Variants in OLA1 observed in about 807,000 individuals in gnomAD.
OLA1 encodes the protein obg-like ATPase 1.
A neutral mutation model predicts 48.4 loss-of-function variants in OLA1; 14 were observed. That is an observed-to-expected ratio of 0.29 (90% CI 0.19 to 0.45). The LOEUF (loss-of-function observed/expected upper bound fraction) is 0.45. Among genes scored for constraint, OLA1 ranks in the 20% least tolerant of loss-of-function variants. The pLI is 1.00. For missense variants in OLA1, 325 were observed against 467.1 expected (o/e 0.70, Z 2.80); for synonymous variants, 127 against 150.4 (o/e 0.84, Z 1.14).
intron 2 of OLA1, among the ~76,000 whole-genome samples, chr2:174,242,112 C>T (rs976334098): frequency 6.6e-6 from 1 of 152,176 alleles, no homozygotes; most frequent in African/African-American, 2.4e-5. Flanking sequence ...CCTGACCCTT[C>T]GGATAACCAG....
Position 174,180,171 on chromosome 2 carries a change from TA to T in OLA1, c.374-38172del, listed in dbSNP as rs555153080. On this transcript the variant is annotated intron_variant, in intron 4 of 10. Coordinates refer to ENST00000284719, the MANE Select transcript of OLA1 (RefSeq NM_013341.5). Reference sequence around the variant, plus strand: ...CAGAAACATTTTTCTCAATGAAGGTTAAAAAAATCTAAAGATTCCATAATAA... The same window carrying T: ...CAGAAACATTTTTCTCAATGAAGGTTAAAAAATCTAAAGATTCCATAATAA... Among the ~76,000 whole-genome samples, 394 of 152,190 alleles carry T rather than the reference TA, an allele frequency of 2.6e-3. 3 individuals are homozygous for T. The highest frequency in any genetic ancestry group is 8.3e-3 in the African/African-American group (345 of 41,546).
intron 4 of OLA1, among the ~76,000 whole-genome samples, chr2:174,205,900 A>G (rs1688102609): frequency 6.6e-6 from 1 of 152,216 alleles, no homozygotes; most frequent in African/African-American, 2.4e-5. Flanking sequence ...CACAGCCTAC[A>G]GCCCATAGAG....
At chr2:174,143,686 T>C (rs1409760245) in intron 4 of OLA1, among the ~76,000 whole-genome samples, 1 of 152,170 alleles carries the variant, frequency 6.6e-6, no homozygotes, top group Non-Finnish European at 1.5e-5. Context: ...GAGAGAAACT[T>C]AGTAACTGCA....
Position 174,081,252 on chromosome 2 carries a change from A to C in OLA1, c.870-4T>G, listed in dbSNP as rs895930861. On this transcript the variant is annotated splice_region_variant and splice_polypyrimidine_tract_variant and intron_variant, in intron 8 of 10. Transcript: ENST00000284719. ...CTTAATGATCTTTGGCAAAGCACTG[A>C]AATCAAATGAAACAAATTCACCCAA... 6.2e-7 allele frequency: 1 copy of C among 1,606,974 alleles called. No homozygotes were observed. Among genetic ancestry groups the C allele is most frequent in the Non-Finnish European group, 8.5e-7 (1 of 1,175,672 alleles).
At chr2:174,157,126 A>T (rs1449619050) in intron 4 of OLA1, among the ~76,000 whole-genome samples, 2 of 152,204 alleles carry the variant, frequency 1.3e-5, no homozygotes, top group Admixed American at 1.3e-4. Context: ...CATGTCATCC[A>T]CTTGGAGGTG....
chr2:174,152,176 G>A (rs972522298), intron 4 of OLA1, among the ~76,000 whole-genome samples: 1 of 152,188 alleles, frequency 6.6e-6, no homozygotes, highest in South Asian at 2.1e-4. Flanking sequence ...GGAGGCCTAG[G>A]TGGGCAGATC....
intron 4 of OLA1, among the ~76,000 whole-genome samples, chr2:174,215,848 T>C (rs1196419620): frequency 1.3e-5 from 2 of 152,232 alleles, no homozygotes; most frequent in Non-Finnish European, 2.9e-5. Flanking sequence ...TAAGCTTGAG[T>C]GTTCCAAGTA....
intron 5 of OLA1, among the ~76,000 whole-genome samples, chr2:174,134,627 T>G (rs1465259583): frequency 1.3e-5 from 2 of 152,230 alleles, no homozygotes; most frequent in East Asian, 3.8e-4. Context: ...CATTTTAAAC[T>G]TACAGATAAG....
chr2:174,174,035 C>CAAAA (rs112671944), intron 4 of OLA1, among the ~76,000 whole-genome samples: 2 of 135,594 alleles, frequency 1.5e-5, no homozygotes, highest in African/African-American at 5.3e-5. Flanking sequence ...CACACACACA[C>CAAAA]AAAAAAAAAA....
chr2:174,206,338 GC>G (rs1688113919), intron 4 of OLA1, among the ~76,000 whole-genome samples: 1 of 152,048 alleles, frequency 6.6e-6, no homozygotes, highest in Non-Finnish European at 1.5e-5. Context: ...TTTGAAGACA[GC>G]CTAGGCAACA....
chr2:174,169,540 G>A (rs1687248674), intron 4 of OLA1, among the ~76,000 whole-genome samples: 2 of 152,082 alleles, frequency 1.3e-5, no homozygotes, highest in African/African-American at 4.8e-5. Flanking sequence ...AAACAGACCT[G>A]TCAACCAAGA....
At chr2:174,183,461 G>A (rs1687591323) in intron 4 of OLA1, among the ~76,000 whole-genome samples, 1 of 152,172 alleles carries the variant, frequency 6.6e-6, no homozygotes, top group African/African-American at 2.4e-5. Context: ...GAGAACCCTA[G>A]CTGGAAAATC....
At chr2:174,163,147 T>C (rs1379267789) in intron 4 of OLA1, among the ~76,000 whole-genome samples, 25 of 152,190 alleles carry the variant, frequency 1.6e-4, no homozygotes, top group Admixed American at 1.6e-3. Context: ...GCCCACTCCT[T>C]GATTCTGGAT....
At chr2:174,195,709 A>G (rs1687865185) in intron 4 of OLA1, among the ~76,000 whole-genome samples, 1 of 152,202 alleles carries the variant, frequency 6.6e-6, no homozygotes, top group Non-Finnish European at 1.5e-5. Flanking sequence ...TAGCAAGCCA[A>G]TTATATTGCA....
At chr2:174,105,640 A>T (rs1028145117) in intron 7 of OLA1, among the ~76,000 whole-genome samples, 13 of 152,026 alleles carry the variant, frequency 8.6e-5, no homozygotes, top group Non-Finnish European at 1.5e-5. Flanking sequence ...CTATCAGAAG[A>T]ATAATAAGGA....
intron 7 of OLA1, among the ~76,000 whole-genome samples, chr2:174,095,412 T>C (rs1685232341): frequency 6.6e-6 from 1 of 150,786 alleles, no homozygotes; most frequent in African/African-American, 2.4e-5. Flanking sequence ...CATTGTGGTT[T>C]TGATTTGCAT....
At chr2:174,224,316 T>C (rs1253998359) in intron 3 of OLA1, among the ~76,000 whole-genome samples, 1 of 152,202 alleles carries the variant, frequency 6.6e-6, no homozygotes, top group Non-Finnish European at 1.5e-5. Flanking sequence ...TTCATTTTGG[T>C]AGCCATTCCT....
chr2:174,140,525 G>T (rs771855858), intron 5 of OLA1, among the ~76,000 whole-genome samples: 1 of 151,700 alleles, frequency 6.6e-6, no homozygotes, highest in South Asian at 2.1e-4. Context: ...GCACCACCAC[G>T]CCTGGCTAAT....
At chr2:174,180,777 C>A (rs189201754) in intron 4 of OLA1, among the ~76,000 whole-genome samples, 32 of 152,256 alleles carry the variant, frequency 2.1e-4, no homozygotes, top group Non-Finnish European at 3.8e-4. Context: ...AGATAGAAAT[C>A]AAAAGTAGTA....
Sources: allele counts gnomAD v4.1 joint callset (sites outside exome capture counted in the v4.1 genomes callset), GRCh38; gene constraint gnomAD v4.1.1; transcripts MANE v1.5; gene names NCBI Gene and HGNC (gene_info 2026-07-23, HGNC 2026-07-21).